Variants in NFIC observed in about 807,000 individuals in gnomAD.
NFIC encodes nuclear factor I C.
Under a neutral mutation model 54.4 loss-of-function variants are expected in NFIC, and 12 were observed. That is an observed-to-expected ratio of 0.22 (90% CI 0.14 to 0.36). NFIC has a LOEUF of 0.36. Among genes scored for constraint, NFIC ranks in the 10% least tolerant of loss-of-function variants. The pLI is 1.00. For missense variants in NFIC, 575 were observed against 718.2 expected (o/e 0.80, Z 2.28); for synonymous variants, 322 against 319.2 (o/e 1.01, Z -0.09).
chr19:3,374,114 A>G lies in NFIC; in HGVS notation c.30+7448A>G, dbSNP rs117446326. Among the ~76,000 whole-genome samples, 961 of 152,282 alleles carry G rather than the reference A, an allele frequency of 6.3e-3. 13 individuals carry two copies. Among genetic ancestry groups the G allele is most frequent in the Middle Eastern group, 0.014 (4 of 294 alleles). On this transcript the variant is annotated intron_variant, in intron 1 of 10. Coordinates refer to ENST00000443272, the MANE Select transcript of NFIC (RefSeq NM_001245002.2). ...GATTCTCATGAAGGATTGTTGAGTC[A>G]CTTTTACCTGGAAACTTTTGGTTTG... is the stretch of plus-strand genomic sequence containing the variant.
chr19:3,363,214 C>G (rs2080832004), upstream of NFIC, among the ~76,000 whole-genome samples: 1 of 79,936 alleles, frequency 1.3e-5, no homozygotes, highest in African/African-American at 5.0e-5. Context: ...ATAAAGGAGA[C>G]ATATGTATAT....
At chr19:3,455,790 T>C (rs553332335) in intron 9 of NFIC, among the ~76,000 whole-genome samples, 1 of 152,274 alleles carries the variant, frequency 6.6e-6, no homozygotes, top group African/African-American at 2.4e-5. Context: ...TCAACGGGAT[T>C]ATGCCCAGTG....
Position 3,369,139 on chromosome 19 carries a change from T to C in NFIC, c.30+2473T>C, listed in dbSNP as rs1407697355. ...TTTGTCTCTGCATGTCTCTTTGATG[T>C]GTCTCTGTCTCTCTGTCTCTCCCTC... On this transcript the variant is annotated intron_variant, in intron 1 of 10. Transcript: ENST00000443272. The surrounding 1 kb of genome is among the most constrained non-coding windows in gnomAD (Gnocchi z 4.3). Among the ~76,000 whole-genome samples the C allele has an allele frequency of 6.6e-6, 1 of 151,090 alleles. No individual in the cohort carries two copies. The highest frequency in any genetic ancestry group is 1.5e-5 in the Non-Finnish European group (1 of 67,726).
intron 10 of NFIC, among the ~76,000 whole-genome samples, chr19:3,457,696 A>C (rs2082580592): frequency 6.6e-6 from 1 of 152,100 alleles, no homozygotes; most frequent in Non-Finnish European, 1.5e-5. Context: ...CCGTGTTCAA[A>C]TCTTCCAGCC....
At chr19:3,438,110 T>A (rs985894090) in intron 6 of NFIC, among the ~76,000 whole-genome samples, 10 of 152,328 alleles carry the variant, frequency 6.6e-5, no homozygotes, top group Non-Finnish European at 1.0e-4. Flanking sequence ...GGAAAAATTG[T>A]AGCTTTAAGT....
chr19:3,380,929 C>T (rs1179040052), intron 1 of NFIC, among the ~76,000 whole-genome samples: 1 of 150,930 alleles, frequency 6.6e-6, no homozygotes, highest in Non-Finnish European at 1.5e-5. Flanking sequence ...GCTGGGATTA[C>T]AAGTGTGAGC....
chr19:3,440,479 TG>T (rs2082277099), intron 6 of NFIC, among the ~76,000 whole-genome samples: 1 of 151,668 alleles, frequency 6.6e-6, no homozygotes, highest in Admixed American at 6.6e-5. Flanking sequence ...TCGCCCAGGC[TG>T]GGGTGCAATG....
At chr19:3,401,243 G>T (rs966432019) in intron 2 of NFIC, among the ~76,000 whole-genome samples, 1 of 152,198 alleles carries the variant, frequency 6.6e-6, no homozygotes, top group African/African-American at 2.4e-5. Flanking sequence ...GGGAGCCATA[G>T]AGGGCTATGG....
intron 2 of NFIC, among the ~76,000 whole-genome samples, chr19:3,397,403 G>T (rs1183326891): frequency 6.6e-6 from 1 of 152,224 alleles, no homozygotes; most frequent in Non-Finnish European, 1.5e-5. Flanking sequence ...TGAGCAGGCC[G>T]CAGGTTCAGC....
At chr19:3,432,643 T>C (rs918859934) in intron 3 of NFIC, among the ~76,000 whole-genome samples, 3 of 150,216 alleles carry the variant, frequency 2.0e-5, no homozygotes, top group African/African-American at 7.3e-5. Context: ...ATGGAGCCGA[T>C]GTGAGCCCAG....
chr19:3,400,918 G>A (rs2081545790), intron 2 of NFIC, among the ~76,000 whole-genome samples: 1 of 152,200 alleles, frequency 6.6e-6, no homozygotes, highest in South Asian at 2.1e-4. Context: ...AATAAAGAAG[G>A]CCAAAGGAAA....
At chr19:3,428,083 T>C (rs529107410) in intron 3 of NFIC, among the ~76,000 whole-genome samples, 20 of 151,540 alleles carry the variant, frequency 1.3e-4, no homozygotes, top group African/African-American at 4.8e-4. Flanking sequence ...GGCAGGAGAA[T>C]TGCTTGAACC....
In NFIC at chr19:3,467,324, T is replaced by G. The variant is rs901800644; in HGVS notation, c.*4555T>G. 2 of 148,714 alleles carry G rather than the reference T, an allele frequency of 1.3e-5. No homozygotes were observed. Among genetic ancestry groups the G allele is most frequent in the Admixed American group, 1.4e-4 (2 of 14,668 alleles). The allele number at this position is 148,714 out of a possible 1,614,324, so 9.2% of individuals were successfully genotyped here. A position where few individuals can be genotyped will look rare whatever the true frequency, so the allele number is the denominator to read the frequency against. ...CCCATTCCGTGGGGGCACCTGACAATGACCCGGGTGGAGATGGGGCATGGA... is the reference window on the plus strand; with the variant it reads ...CCCATTCCGTGGGGGCACCTGACAAGGACCCGGGTGGAGATGGGGCATGGA... On this transcript the variant is annotated 3_prime_UTR_variant, in exon 11 of 11. Transcript: ENST00000443272.
At chr19:3,399,762 T>C (rs1173950386) in intron 2 of NFIC, among the ~76,000 whole-genome samples, 1 of 151,714 alleles carries the variant, frequency 6.6e-6, no homozygotes, top group Non-Finnish European at 1.5e-5. Context: ...TCCCAGCTAC[T>C]GGGGAGGCTG....
At chr19:3,388,820 C>T (rs928517771) in intron 2 of NFIC, among the ~76,000 whole-genome samples, 13 of 138,572 alleles carry the variant, frequency 9.4e-5, no homozygotes, top group Non-Finnish European at 1.7e-4. Flanking sequence ...AAGGCAAGAC[C>T]TTATCTCTAA....
At chr19:3,399,431 C>T (rs905709990) in intron 2 of NFIC, among the ~76,000 whole-genome samples, 2 of 151,894 alleles carry the variant, frequency 1.3e-5, no homozygotes, top group African/African-American at 4.8e-5. Flanking sequence ...TAAAACTTAG[C>T]CAGGCATGGT....
At chr19:3,401,170 G>C (rs2081549148) in intron 2 of NFIC, among the ~76,000 whole-genome samples, 1 of 152,186 alleles carries the variant, frequency 6.6e-6, no homozygotes, top group South Asian at 2.1e-4. Context: ...GAGGAGGGGA[G>C]GGCAGTTTGT....
In NFIC at chr19:3,467,765, AT is replaced by A; in HGVS notation, c.*4997del. On this transcript the variant is annotated 3_prime_UTR_variant, in exon 11 of 11. Transcript: ENST00000443272. The stretch of plus-strand genomic sequence containing the variant: ...GTGTAGGGCTATACTATACATATAT[AT>A]ATATATATATATATATATATATAAT... The A allele has an allele frequency of 7.8e-6, 1 of 127,664 alleles. No homozygotes were observed. 7.9% of individuals were successfully genotyped at this position (127,664 alleles called of 1,614,324 possible).
chr19:3,365,984 A>G (rs2080875399), upstream of NFIC, among the ~76,000 whole-genome samples: 1 of 149,602 alleles, frequency 6.7e-6, no homozygotes. Context: ...TACATCTTTA[A>G]GGGGAAAGAG....
Sources: allele counts gnomAD v4.1 joint callset (sites outside exome capture counted in the v4.1 genomes callset), GRCh38; gene constraint gnomAD v4.1.1; non-coding constraint Gnocchi (gnomAD v3.1); transcripts MANE v1.5; gene names NCBI Gene and HGNC (gene_info 2026-07-23, HGNC 2026-07-21).